The following MAPT variants were observed in gnomAD, a reference collection of about 807,000 sequenced individuals.
MAPT encodes the protein microtubule-associated protein tau.
MAPT carries 34 observed loss-of-function variants against 67.9 expected under a neutral mutation model. That is an observed-to-expected ratio of 0.50 (90% CI 0.38 to 0.67). MAPT has a LOEUF of 0.67. Ranked by LOEUF, MAPT falls within the 30% of genes least tolerant of loss-of-function variation. MAPT has a pLI of 0.00. For synonymous variants in MAPT, 456 were observed against 464.5 expected (o/e 0.98, Z 0.23); for missense variants, 881 against 1,115.2 (o/e 0.79, Z 2.99).
At chr17:46,005,631 T>G (rs990417333) in intron 9 of MAPT, among the ~76,000 whole-genome samples, 1 of 152,140 alleles carries the variant, frequency 6.6e-6, no homozygotes, top group African/African-American at 2.4e-5. Context: ...AAGGAGTTTA[T>G]GTGGGATTCC....
chr17:45,974,468 A>G (rs1184107554), intron 3 of MAPT: 11 of 1,602,764 alleles, frequency 6.9e-6, no homozygotes, highest in Non-Finnish European at 8.5e-6. Flanking sequence ...AGAAGGAACC[A>G]CAGGTGAGGG....
At chr17:46,018,011 G>A (rs2076294083) in intron 11 of MAPT, among the ~76,000 whole-genome samples, 1 of 151,708 alleles carries the variant, frequency 6.6e-6, no homozygotes, top group Non-Finnish European at 1.5e-5. Context: ...TGGGCGTGGT[G>A]GCAGGCACCT....
Position 45,908,254 on chromosome 17 carries a change from T to C in MAPT, c.-18+13568T>C, listed in dbSNP as rs190206697. The C allele has an allele frequency of 9.9e-5, 15 of 152,194 alleles. 1 individual carries two copies. The allele number at this position is 152,194 out of a possible 1,614,324, so 9.4% of individuals were successfully genotyped here. ...TCCGGCTCACATCAAGCATGAAAAA[T>C]GTTCACACATACCCCCCACACACAC... On this transcript the variant is annotated intron_variant, in intron 1 of 12. Coordinates refer to ENST00000262410, the MANE Select transcript of MAPT (RefSeq NM_001377265.1).
intron 7 of MAPT, 117 bp from the exon 8 acceptor site, chr17:45,991,343 T>A: frequency 1.5e-6 from 2 of 1,338,190 alleles, no homozygotes; most frequent in South Asian, 2.5e-5. Context: ...AGGCAAAGGG[T>A]CACCCCAGTC....
chr17:45,904,364 A>T (rs1436996118), intron 1 of MAPT, among the ~76,000 whole-genome samples: 870 of 80,292 alleles, frequency 0.011, 253 homozygotes, highest in Non-Finnish European at 0.019. Flanking sequence ...TATTATATAT[A>T]TTAAATATAT....
chr17:45,958,038 G>A (rs1360594012), intron 1 of MAPT, among the ~76,000 whole-genome samples: 3 of 152,134 alleles, frequency 2.0e-5, no homozygotes, highest in Non-Finnish European at 4.4e-5. Context: ...ATTCACCTGG[G>A]GAAGAGGGCA....
At chr17:45,964,727 G>A (rs375118544) in intron 2 of MAPT, among the ~76,000 whole-genome samples, 1 of 151,762 alleles carries the variant, frequency 6.6e-6, no homozygotes, top group Middle Eastern at 3.4e-3. Flanking sequence ...CTTCCTCACT[G>A]TGTCCCCCTC....
intron 9 of MAPT, chr17:45,999,784 G>A (rs2074843136): frequency 1.1e-6 from 1 of 890,682 alleles, no homozygotes; most frequent in Non-Finnish European, 1.7e-6. Flanking sequence ...GAGATATTTT[G>A]GGGGACGAAG....
chr17:45,982,675 C>A (rs921952899), intron 4 of MAPT, among the ~76,000 whole-genome samples, 191 bp from the exon 5 acceptor site: 3 of 152,098 alleles, frequency 2.0e-5, no homozygotes, highest in African/African-American at 7.2e-5. Flanking sequence ...GAGCTGGTGG[C>A]GGCTAGACCA....
At chr17:45,953,177 A>C (rs1443031456) in intron 1 of MAPT, among the ~76,000 whole-genome samples, 1 of 152,226 alleles carries the variant, frequency 6.6e-6, no homozygotes, top group African/African-American at 2.4e-5. Flanking sequence ...TGACCCTGCA[A>C]GTCCTACCTG....
chr17:45,928,166 C>T (rs2144623461), intron 1 of MAPT, among the ~76,000 whole-genome samples: 1 of 152,280 alleles, frequency 6.6e-6, no homozygotes. Flanking sequence ...CAGTGACAAA[C>T]AAGATCCCAA....
At chr17:46,019,941 GA>G (rs1332460591) in intron 12 of MAPT, among the ~76,000 whole-genome samples, 1 of 151,398 alleles carries the variant, frequency 6.6e-6, no homozygotes, top group African/African-American at 2.4e-5. Context: ...GAACCCAGGG[GA>G]CAGAGGTTGT....
chr17:45,981,365 T>C (rs1004282659), intron 4 of MAPT, among the ~76,000 whole-genome samples: 6 of 152,198 alleles, frequency 3.9e-5, no homozygotes, highest in Non-Finnish European at 7.3e-5. Flanking sequence ...TCTCCTGTTC[T>C]TAATATGCGG....
chr17:45,979,926 A>G (rs941548301), intron 4 of MAPT: 1 of 152,216 alleles, frequency 6.6e-6, no homozygotes, highest in African/African-American at 2.4e-5. Context: ...GCCTGGAATC[A>G]TGGAGGGATA....
intron 4 of MAPT, among the ~76,000 whole-genome samples, chr17:45,980,864 TC>T (rs1301462096): frequency 5.9e-5 from 9 of 152,178 alleles, no homozygotes; most frequent in African/African-American, 2.2e-4. Flanking sequence ...TCTGGGCTGT[TC>T]TTCCCAGAGA....
chr17:45,954,405 T>C (rs1023361526), intron 1 of MAPT, among the ~76,000 whole-genome samples: 1 of 152,156 alleles, frequency 6.6e-6, no homozygotes, highest in Non-Finnish European at 1.5e-5. Context: ...GCGGATCGCT[T>C]GAGCTCTGGA....
chr17:45,939,751 T>A (rs936939247), intron 1 of MAPT, among the ~76,000 whole-genome samples: 6 of 152,122 alleles, frequency 3.9e-5, no homozygotes, highest in African/African-American at 1.4e-4. Flanking sequence ...GAGGACCAAG[T>A]CACAGAGCAG....
rs925586119 is a variant in MAPT at position 45,938,335 on chromosome 17, G to A, written c.-17-23986G>A. On this transcript the variant is annotated intron_variant, in intron 1 of 12. Coordinates refer to ENST00000262410, the MANE Select transcript of MAPT (RefSeq NM_001377265.1). ...TGGCTCATGATCTTCTATAGCTATAGTCAGAAAAATTTTCCATCAATCATC... is the reference window on the plus strand; with the variant it reads ...TGGCTCATGATCTTCTATAGCTATAATCAGAAAAATTTTCCATCAATCATC... 3.3e-5 allele frequency among the ~76,000 whole-genome samples: 5 copies of A among 152,336 alleles called. No homozygotes were observed. In the South Asian group the frequency reaches 6.2e-4, roughly 19 times the overall value.
At chr17:45,986,218 G>C (rs1237053291) in intron 5 of MAPT, among the ~76,000 whole-genome samples, 1 of 152,232 alleles carries the variant, frequency 6.6e-6, no homozygotes, top group Admixed American at 6.5e-5. Flanking sequence ...AAACCCACCA[G>C]GCCTGGCTCA....
Sources: allele counts gnomAD v4.1 joint callset (sites outside exome capture counted in the v4.1 genomes callset), GRCh38; gene constraint gnomAD v4.1.1; transcripts MANE v1.5; gene names NCBI Gene and HGNC (gene_info 2026-07-23, HGNC 2026-07-21).